Variants in ASTN2 observed in about 807,000 individuals in gnomAD.
ASTN2 encodes astrotactin-2.
In ASTN2, 54 loss-of-function variants were observed where a neutral mutation model predicts 139.8. The ratio of observed to expected loss-of-function variants is 0.39; its 90% CI spans 0.31 to 0.48. ASTN2 has a LOEUF of 0.48. Among genes scored for constraint, ASTN2 ranks in the 20% least tolerant of loss-of-function variants. The pLI is 0.95. For missense variants in ASTN2, 1,565 were observed against 1,725.1 expected, an observed-to-expected ratio of 0.91 and a Z score of 1.64; for synonymous variants, 756 against 719.5, an observed-to-expected ratio of 1.05 and a Z score of -0.81.
intron 3 of ASTN2, among the ~76,000 whole-genome samples, chr9:117,183,570 C>A (rs1390978710): frequency 6.6e-6 from 1 of 152,144 alleles, no homozygotes; most frequent in East Asian, 1.9e-4. Context: ...TACTAATTTG[C>A]CCAAGGTTAT....
At chr9:117,104,618 G>A (rs1829059110) in intron 4 of ASTN2, among the ~76,000 whole-genome samples, 1 of 152,258 alleles carries the variant, frequency 6.6e-6, no homozygotes, top group South Asian at 2.1e-4. Flanking sequence ...TAAAATATAT[G>A]TAAATACACA....
At chr9:117,045,975 T>TGTACGTACGTAC (rs1440128117) in intron 5 of ASTN2, among the ~76,000 whole-genome samples, 2 of 102,022 alleles carry the variant, frequency 2.0e-5, no homozygotes, top group African/African-American at 7.6e-5. Context: ...TATGTATGTA[T>TGTACGTACGTAC]GTATGTACGT....
intron 20 of ASTN2, among the ~76,000 whole-genome samples, chr9:116,444,169 A>T (rs1588064281): frequency 6.6e-6 from 1 of 152,150 alleles, no homozygotes; most frequent in East Asian, 1.9e-4. Flanking sequence ...AGTAATTACT[A>T]GGACTGGCAA....
chr9:116,559,131 T>A (rs1226166930), intron 19 of ASTN2, among the ~76,000 whole-genome samples: 1 of 152,194 alleles, frequency 6.6e-6, no homozygotes, highest in Non-Finnish European at 1.5e-5. Context: ...GCCTACAACC[T>A]GTGGGACTGG....
chr9:116,860,366 C>T (rs1319678082), intron 11 of ASTN2, among the ~76,000 whole-genome samples: 2 of 152,214 alleles, frequency 1.3e-5, no homozygotes, highest in African/African-American at 2.4e-5. Flanking sequence ...GTAATGTGGT[C>T]TCCTTATCTC....
rs1033162151 is a variant in ASTN2, at chr9:117,018,283, C to G, written c.1424-10024G>C. Among the ~76,000 whole-genome samples the G allele has an allele frequency of 4.6e-5, 7 of 152,176 alleles. No homozygotes were observed. In the East Asian group the frequency reaches 1.2e-3, roughly 25 times the overall value. ...ACCAGCTTCACTATGCTCCCTGCAG[C>G]CTGTTTCCACTTCTTAGGGTCTACC... On this transcript the variant is annotated intron_variant, in intron 6 of 22. Coordinates refer to ENST00000313400, the MANE Select transcript of ASTN2 (RefSeq NM_001365068.1).
rs1829102775 is a variant in ASTN2 at position 117,342,850 on chromosome 9, T to G, written c.443-51337A>C. Among the ~76,000 whole-genome samples, 4 of 152,294 alleles carry G rather than the reference T, an allele frequency of 2.6e-5. No individual in the cohort carries two copies. In the South Asian group the frequency reaches 8.3e-4, roughly 32 times the overall value. On this transcript the variant is annotated intron_variant, in intron 1 of 22. Transcript: ENST00000313400. ...CCCTGATGACCTTCAGTGGCATCTC[T>G]TCTGGGGAAGCCAAGGGTACTGTGG... is the stretch of plus-strand genomic sequence containing the variant.
chr9:116,966,384 C>T (rs973279662), intron 10 of ASTN2, among the ~76,000 whole-genome samples: 1 of 152,150 alleles, frequency 6.6e-6, no homozygotes, highest in African/African-American at 2.4e-5. Flanking sequence ...TTTCATTTAG[C>T]AGAGGCTGTG....
chr9:116,950,870 T>C (rs1053407772), intron 10 of ASTN2, among the ~76,000 whole-genome samples: 3 of 152,224 alleles, frequency 2.0e-5, no homozygotes, highest in African/African-American at 4.8e-5. Context: ...AAACAAATCC[T>C]TCCTTGGAAT....
At chr9:117,313,076 A>T (rs1445199966) in intron 1 of ASTN2, among the ~76,000 whole-genome samples, 1 of 152,190 alleles carries the variant, frequency 6.6e-6, no homozygotes, top group Non-Finnish European at 1.5e-5. Context: ...GCCAGAATTT[A>T]GGAACCCACG....
chr9:117,288,885 G>T (rs1259024650), intron 2 of ASTN2, among the ~76,000 whole-genome samples: 2 of 152,196 alleles, frequency 1.3e-5, no homozygotes, highest in Non-Finnish European at 2.9e-5. Flanking sequence ...CAACTAAACT[G>T]CCCCTATTAA....
intron 1 of ASTN2, among the ~76,000 whole-genome samples, chr9:117,340,839 C>G (rs149395921): frequency 6.6e-6 from 1 of 152,290 alleles, no homozygotes; most frequent in East Asian, 1.9e-4. Flanking sequence ...CATGGTGTGA[C>G]CTTGTGCAAT....
chr9:117,140,465 T>C (rs1830047407), intron 4 of ASTN2, among the ~76,000 whole-genome samples: 1 of 151,488 alleles, frequency 6.6e-6, no homozygotes. Flanking sequence ...GAAAAAAAAA[T>C]GGTTTGGAAA....
At chr9:117,147,262 A>G (rs1195189469) in intron 3 of ASTN2, among the ~76,000 whole-genome samples, 1 of 152,148 alleles carries the variant, frequency 6.6e-6, no homozygotes, top group Non-Finnish European at 1.5e-5. Flanking sequence ...CAACATGATG[A>G]AACCCCATCT....
chr9:116,910,276 C>T (rs1834275680), intron 10 of ASTN2, among the ~76,000 whole-genome samples: 1 of 152,162 alleles, frequency 6.6e-6, no homozygotes, highest in Non-Finnish European at 1.5e-5. Context: ...GTGTATCTTT[C>T]TTCTGAAACC....
chr9:117,007,002 C>T (rs1440145763), intron 7 of ASTN2, among the ~76,000 whole-genome samples: 12 of 152,024 alleles, frequency 7.9e-5, no homozygotes, highest in Non-Finnish European at 1.3e-4. Flanking sequence ...CTGTAATCCC[C>T]GCTACTCAGG....
intron 11 of ASTN2, among the ~76,000 whole-genome samples, chr9:116,837,007 G>A (rs1047629199): frequency 6.6e-6 from 1 of 152,058 alleles, no homozygotes; most frequent in Admixed American, 6.5e-5. Context: ...CTTCAGCCAT[G>A]TTAAGGCACC....
intron 11 of ASTN2, among the ~76,000 whole-genome samples, chr9:116,859,125 C>G (rs1035827017): frequency 6.6e-6 from 1 of 152,220 alleles, no homozygotes; most frequent in Non-Finnish European, 1.5e-5. Context: ...CTCTACCCCA[C>G]TCCTCTGCTT....
intron 13 of ASTN2, among the ~76,000 whole-genome samples, chr9:116,799,816 G>A (rs1319206349): frequency 1.3e-5 from 2 of 152,044 alleles, no homozygotes; most frequent in African/African-American, 4.8e-5. Flanking sequence ...CAAGAGCAAA[G>A]GAAAGGGGAT....
Sources: allele counts gnomAD v4.1 joint callset (sites outside exome capture counted in the v4.1 genomes callset), GRCh38; gene constraint gnomAD v4.1.1; transcripts MANE v1.5; gene names NCBI Gene and HGNC (gene_info 2026-07-23, HGNC 2026-07-21).